GPD2: variants seen among roughly 807,000 people sequenced by gnomAD.
GPD2 encodes the protein glycerol-3-phosphate dehydrogenase 2, also known as glycerol-3-phosphate dehydrogenase, mitochondrial.
A neutral mutation model predicts 82.4 loss-of-function variants in GPD2; 54 were observed. The ratio of observed to expected loss-of-function variants is 0.66; its 90% CI spans 0.53 to 0.82. GPD2 has a LOEUF of 0.82. Ranked by LOEUF, GPD2 falls within the 40% of genes least tolerant of loss-of-function variation. The probability of loss-of-function intolerance (pLI) is 0.00; values close to 1 mark genes in which losing one functional copy is unlikely to be tolerated. For missense variants in GPD2, 748 were observed against 896.2 expected, an observed-to-expected ratio of 0.83 and a Z score of 2.11; for synonymous variants, 288 against 306.1, an observed-to-expected ratio of 0.94 and a Z score of 0.62.
chr2:156,540,490 C>T (rs1231294857), intron 6 of GPD2, among the ~76,000 whole-genome samples: 1 of 152,124 alleles, frequency 6.6e-6, no homozygotes, highest in Non-Finnish European at 1.5e-5. Context: ...CCAAACCATA[C>T]CAAAACATGA....
intron 5 of GPD2, among the ~76,000 whole-genome samples, chr2:156,512,596 A>G (rs966749690): frequency 1.3e-5 from 2 of 152,178 alleles, no homozygotes; most frequent in African/African-American, 4.8e-5. Flanking sequence ...TATATAGATG[A>G]GCAACTGCAT....
At chr2:156,444,371 T>G (rs1682281017) in intron 1 of GPD2, among the ~76,000 whole-genome samples, 1 of 152,284 alleles carries the variant, frequency 6.6e-6, no homozygotes, top group East Asian at 1.9e-4. Flanking sequence ...TATTAACCCC[T>G]TTTCCCCATC....
chr2:156,549,474 C>T (rs1482685954), intron 6 of GPD2, 134 bp from the exon 7 acceptor site: 2 of 820,128 alleles, frequency 2.4e-6, no homozygotes, highest in Non-Finnish European at 4.3e-6. Flanking sequence ...TGTGCCCTGT[C>T]AAGCTGCCCA....
intron 13 of GPD2, among the ~76,000 whole-genome samples, chr2:156,573,384 T>G (rs1049919295): frequency 1.3e-5 from 2 of 152,280 alleles, no homozygotes; most frequent in Middle Eastern, 3.4e-3. Flanking sequence ...GTTGAAGAAG[T>G]CTTGAGCTTT....
chr2:156,550,826 A>T (rs997076518), intron 8 of GPD2, 80 bp downstream of exon 8: 2 of 1,106,508 alleles, frequency 1.8e-6, no homozygotes, highest in African/African-American at 3.1e-5. Context: ...TTCTTCTAGC[A>T]TAGCAATAGA....
At chr2:156,481,658 T>A in intron 2 of GPD2, among the ~76,000 whole-genome samples, 1 of 152,014 alleles carries the variant, frequency 6.6e-6, no homozygotes, top group East Asian at 1.9e-4. Flanking sequence ...CTTTTTTTTT[T>A]TTTTAAATAG....
intron 1 of GPD2, among the ~76,000 whole-genome samples, chr2:156,439,701 G>T (rs509529): frequency 4.4e-4 from 66 of 151,538 alleles, no homozygotes; most frequent in African/African-American, 1.5e-3. Context: ...ACAAAAATTA[G>T]CCGGGCATGA....
At chr2:156,400,489 G>C in the GPD2 span, among the ~76,000 whole-genome samples, 1 of 152,232 alleles carries the variant, frequency 6.6e-6, no homozygotes, top group Non-Finnish European at 1.5e-5. Flanking sequence ...CTGTGGCCGC[G>C]CAGGGCACCG....
At chr2:156,523,201 T>C (rs1481880770) in intron 6 of GPD2, among the ~76,000 whole-genome samples, 1 of 152,186 alleles carries the variant, frequency 6.6e-6, no homozygotes, top group Non-Finnish European at 1.5e-5. Flanking sequence ...CATATCATAC[T>C]GAATAGTTTC....
rs149775786 is a variant in GPD2 at position 156,481,601 on chromosome 2, TC to T, written c.102+5396del. ...ACTTATTTCACTTAACATAATGTCC[TC>T]CAGGCTCATCTGTGTTGTTGCAAAT... On this transcript the variant is annotated intron_variant, in intron 2 of 16. Transcript: ENST00000438166. Among the ~76,000 whole-genome samples, 1,107 of 152,204 alleles carry T rather than the reference TC, an allele frequency of 7.3e-3. 12 individuals carry two copies. Among genetic ancestry groups the T allele is most frequent in the African/African-American group, 0.026 (1,063 of 41,540 alleles).
rs1686719515 is a variant in GPD2 at position 156,550,597 on chromosome 2, C to T, written c.827-5C>T. The stretch of plus-strand genomic sequence containing the variant: ...GTGTGTGATTGATGCCACTTTCTTT[C>T]ACAGGGCAGGAATTTGACGTGAGAG... On this transcript the variant is annotated splice_polypyrimidine_tract_variant and splice_region_variant and intron_variant, in intron 7 of 16. Coordinates refer to ENST00000438166, the MANE Select transcript of GPD2 (RefSeq NM_000408.5). 1 of 1,613,726 alleles carries T rather than the reference C, an allele frequency of 6.2e-7. No homozygotes were observed. The highest frequency in any genetic ancestry group is 1.1e-5 in the South Asian group (1 of 91,084).
chr2:156,550,374 T>G (rs1191723893), intron 7 of GPD2, among the ~76,000 whole-genome samples: 1 of 152,240 alleles, frequency 6.6e-6, no homozygotes, highest in African/African-American at 2.4e-5. Flanking sequence ...GAATCCATAA[T>G]GAGAAAGTGG....
At chr2:156,534,310 T>C (rs968089542) in intron 6 of GPD2, among the ~76,000 whole-genome samples, 32 of 152,226 alleles carry the variant, frequency 2.1e-4, no homozygotes, top group African/African-American at 7.5e-4. Context: ...TCTGCTCATC[T>C]GCTCGAGGAG....
chr2:156,570,908 G>A (rs1687589414), intron 12 of GPD2, among the ~76,000 whole-genome samples: 1 of 152,080 alleles, frequency 6.6e-6, no homozygotes, highest in Admixed American at 6.6e-5. Flanking sequence ...TCAGGAAAAA[G>A]GCATTAACTC....
chr2:156,425,097 T>TG, the GPD2 span, among the ~76,000 whole-genome samples: 127 of 149,564 alleles, frequency 8.5e-4, no homozygotes, highest in Admixed American at 2.8e-3. Flanking sequence ...TTATTTTTTT[T>TG]TTTGTTTTTG....
chr2:156,516,865 G>A (rs1452807920), intron 6 of GPD2, among the ~76,000 whole-genome samples: 1 of 152,202 alleles, frequency 6.6e-6, no homozygotes, highest in African/African-American at 2.4e-5. Context: ...AAAATATAGT[G>A]GGACAAACTA....
chr2:156,491,201 T>A (rs1409127437), intron 2 of GPD2, among the ~76,000 whole-genome samples: 1 of 152,242 alleles, frequency 6.6e-6, no homozygotes, highest in Non-Finnish European at 1.5e-5. Context: ...ACTGGAATCA[T>A]GTAGTATGTA....
the GPD2 span, among the ~76,000 whole-genome samples, chr2:156,401,276 C>CTA: frequency 6.6e-6 from 1 of 152,118 alleles, no homozygotes; most frequent in Non-Finnish European, 1.5e-5. Context: ...TGGTAATTCT[C>CTA]TAAACAATCA....
chr2:156,520,006 G>A (rs1333063191), intron 6 of GPD2, among the ~76,000 whole-genome samples: 1 of 152,222 alleles, frequency 6.6e-6, no homozygotes, highest in Non-Finnish European at 1.5e-5. Context: ...CAGACTTGGA[G>A]GATGGTGAAT....
Sources: allele counts gnomAD v4.1 joint callset (sites outside exome capture counted in the v4.1 genomes callset), GRCh38; gene constraint gnomAD v4.1.1; transcripts MANE v1.5; gene names NCBI Gene and HGNC (gene_info 2026-07-23, HGNC 2026-07-21).